The following MLIP variants were observed in gnomAD, a reference collection of about 807,000 sequenced individuals.
The protein encoded by MLIP is muscular LMNA-interacting protein.
In MLIP, 79 loss-of-function variants were observed where a neutral mutation model predicts 84.8. That is an observed-to-expected ratio of 0.93 (90% CI 0.78 to 1.12). The LOEUF (loss-of-function observed/expected upper bound fraction) is 1.12, where lower values mean the gene tolerates loss of function less well. Among genes scored for constraint, MLIP ranks in the 50% most tolerant of loss-of-function variants. The pLI, the probability that MLIP is intolerant of heterozygous loss-of-function variation, is 0.00. For synonymous variants in MLIP, 504 were observed against 463.0 expected, an observed-to-expected ratio of 1.09 and a Z score of -1.14; for missense variants, 1,257 against 1,160.6, an observed-to-expected ratio of 1.08 and a Z score of -1.21.
chr6:54,220,062 G>A (rs1199392203), intron 11 of MLIP, among the ~76,000 whole-genome samples: 1 of 152,096 alleles, frequency 6.6e-6, no homozygotes, highest in Non-Finnish European at 1.5e-5. Flanking sequence ...CCATATCTAT[G>A]TCTAACATAA....
At chr6:54,028,508 TTATCACAG>T (rs1763946911) in intron 1 of MLIP, among the ~76,000 whole-genome samples, 1 of 152,188 alleles carries the variant, frequency 6.6e-6, no homozygotes, top group Admixed American at 6.5e-5. Flanking sequence ...ATTAATACAC[TTATCACAG>T]AGAGTGGGGC....
chr6:54,247,497 C>G (rs758398490), intron 12 of MLIP, among the ~76,000 whole-genome samples: 5 of 152,130 alleles, frequency 3.3e-5, no homozygotes, highest in Middle Eastern at 3.4e-3. Context: ...ATAGTCAGAC[C>G]ATGTAGGGCA....
At chr6:54,024,907 G>A (rs897839620) in intron 1 of MLIP, among the ~76,000 whole-genome samples, 1 of 151,904 alleles carries the variant, frequency 6.6e-6, no homozygotes, top group African/African-American at 2.4e-5. Flanking sequence ...GCATGATCTC[G>A]GCTCACTGCA....
chr6:54,154,485 C>G (rs1773810475), intron 5 of MLIP, among the ~76,000 whole-genome samples: 1 of 152,148 alleles, frequency 6.6e-6, no homozygotes, highest in Admixed American at 6.5e-5. Context: ...GCTAAGTGCG[C>G]TTTCATCTTC....
intron 9 of MLIP, among the ~76,000 whole-genome samples, chr6:54,184,951 A>T: frequency 6.6e-6 from 1 of 152,238 alleles, no homozygotes; most frequent in East Asian, 1.9e-4. Flanking sequence ...ATGAATGATC[A>T]AAATTTTAAT....
At chr6:54,172,817 T>A (rs1179061825) in intron 9 of MLIP, among the ~76,000 whole-genome samples, 1 of 151,694 alleles carries the variant, frequency 6.6e-6, no homozygotes, top group Non-Finnish European at 1.5e-5. Context: ...TTTTTTAGGA[T>A]GAGCCAGGTG....
intron 1 of MLIP, among the ~76,000 whole-genome samples, chr6:54,054,420 G>GA (rs148455872): frequency 0.042 from 3,855 of 91,592 alleles, 169 homozygotes; most frequent in African/African-American, 0.14. Flanking sequence ...GGACAGTGGG[G>GA]AAAAAAAGGC....
intron 5 of MLIP, among the ~76,000 whole-genome samples, chr6:54,152,867 A>T (rs1330996451): frequency 1.3e-5 from 2 of 151,516 alleles, no homozygotes; most frequent in African/African-American, 4.9e-5. Context: ...AAAGGAGGAG[A>T]GAATGAAGAA....
chr6:54,258,978 A>G (rs1783204262), intron 13 of MLIP, among the ~76,000 whole-genome samples: 1 of 151,228 alleles, frequency 6.6e-6, no homozygotes, highest in Non-Finnish European at 1.5e-5. Context: ...ATTTAAATTT[A>G]TATTTCTATC....
At chr6:54,264,317 C>T (rs1431164972) in intron 13 of MLIP, among the ~76,000 whole-genome samples, 2 of 152,054 alleles carry the variant, frequency 1.3e-5, no homozygotes. Context: ...TTGAACCTCT[C>T]CTGGTAACAG....
At chr6:54,029,126 G>A (rs1336220163) in intron 1 of MLIP, 1 of 152,144 alleles carries the variant, frequency 6.6e-6, no homozygotes, top group Non-Finnish European at 1.5e-5. Flanking sequence ...TTAAAAGCTT[G>A]CTCTCAATGC....
At chr6:54,104,515 T>C (rs1768874589) in intron 1 of MLIP, among the ~76,000 whole-genome samples, 2 of 152,182 alleles carry the variant, frequency 1.3e-5, no homozygotes, top group Admixed American at 1.3e-4. Flanking sequence ...CAATTCATAT[T>C]CCTGTGCCAC....
chr6:54,026,490 G>A (rs1467420355), intron 1 of MLIP, among the ~76,000 whole-genome samples: 1 of 152,068 alleles, frequency 6.6e-6, no homozygotes, highest in Non-Finnish European at 1.5e-5. Flanking sequence ...TTTAAAAATT[G>A]CAAAAGAATC....
At chr6:54,150,117 A>G (rs527267306) in intron 5 of MLIP, among the ~76,000 whole-genome samples, 3 of 152,290 alleles carry the variant, frequency 2.0e-5, no homozygotes, top group East Asian at 3.9e-4. Flanking sequence ...CATGATCTGA[A>G]GAGTAAAACC....
intron 1 of MLIP, among the ~76,000 whole-genome samples, chr6:54,121,133 G>A (rs1770414280): frequency 6.6e-6 from 1 of 152,168 alleles, no homozygotes; most frequent in South Asian, 2.1e-4. Context: ...TGATGAGTTT[G>A]TGATGACCCC....
intron 5 of MLIP, among the ~76,000 whole-genome samples, chr6:54,150,985 T>C (rs1472959418): frequency 6.6e-6 from 1 of 152,098 alleles, no homozygotes; most frequent in Non-Finnish European, 1.5e-5. Context: ...TGTAGGAAAA[T>C]TATTATGTCT....
intron 11 of MLIP, chr6:54,217,804 G>T (rs1289974921): frequency 1.0e-6 from 1 of 984,704 alleles, no homozygotes; most frequent in Non-Finnish European, 1.2e-6. Flanking sequence ...TATGATCCCT[G>T]TACATCCCTC....
At chr6:54,263,715 G>T (rs935633337) in intron 13 of MLIP, among the ~76,000 whole-genome samples, 1 of 146,140 alleles carries the variant, frequency 6.8e-6, no homozygotes, top group Non-Finnish European at 1.5e-5. Flanking sequence ...GGTTAACTCT[G>T]AATTTAAAAA....
intron 11 of MLIP, among the ~76,000 whole-genome samples, chr6:54,213,099 G>T (rs955535110): frequency 6.6e-6 from 1 of 152,152 alleles, no homozygotes; most frequent in African/African-American, 2.4e-5. Flanking sequence ...AATTATAAAA[G>T]ACTCTGGGTT....
Sources: allele counts gnomAD v4.1 joint callset (sites outside exome capture counted in the v4.1 genomes callset), GRCh38; gene constraint gnomAD v4.1.1; transcripts MANE v1.5; gene names NCBI Gene and HGNC (gene_info 2026-07-23, HGNC 2026-07-21).